OR6N1: variants seen among roughly 807,000 people sequenced by gnomAD.
OR6N1 encodes olfactory receptor 6N1.
For missense variants in OR6N1, 394 were observed against 371.7 expected, an observed-to-expected ratio of 1.06 and a Z score of -0.49; for synonymous variants, 170 against 150.7, an observed-to-expected ratio of 1.13 and a Z score of -0.94.
intron 1 of OR6N1, among the ~76,000 whole-genome samples, chr1:158,771,254 T>G (rs762641048): frequency 9.2e-5 from 14 of 152,316 alleles, no homozygotes; most frequent in South Asian, 2.1e-4. Flanking sequence ...TGTAATGCAC[T>G]GCAATTATTT....
the OR6N1 span, among the ~76,000 whole-genome samples, chr1:158,788,410 A>G: frequency 1.6e-4 from 25 of 152,288 alleles, no homozygotes; most frequent in African/African-American, 6.0e-4. Context: ...GTTGCAAGAC[A>G]TTATTTAGTA....
At chr1:158,796,026 A>G in the OR6N1 span, 1 of 152,330 alleles carries the variant, frequency 6.6e-6, no homozygotes, top group Non-Finnish European at 1.5e-5. Context: ...TGTGGTCACC[A>G]TGTTCTAAGG....
chr1:158,835,902 T>G, the OR6N1 span, among the ~76,000 whole-genome samples: 1 of 151,864 alleles, frequency 6.6e-6, no homozygotes, highest in African/African-American at 2.4e-5. Context: ...TTTTTTTTTG[T>G]CTTTCATTCT....
chr1:158,805,765 G>A, the OR6N1 span, among the ~76,000 whole-genome samples: 1 of 152,104 alleles, frequency 6.6e-6, no homozygotes. Context: ...TTCAAGAGGG[G>A]AACTCAATCT....
At chr1:158,789,940 T>A in the OR6N1 span, among the ~76,000 whole-genome samples, 27 of 152,226 alleles carry the variant, frequency 1.8e-4, no homozygotes, top group African/African-American at 6.5e-4. Flanking sequence ...ATTTCTCCAA[T>A]GTTTTCTTCT....
the OR6N1 span, among the ~76,000 whole-genome samples, chr1:158,815,986 T>C: frequency 6.6e-6 from 1 of 151,714 alleles, no homozygotes; most frequent in African/African-American, 2.4e-5. Context: ...AAACTCCAGC[T>C]CTACTAAAAA....
the OR6N1 span, among the ~76,000 whole-genome samples, chr1:158,799,607 T>A: frequency 6.6e-6 from 1 of 152,232 alleles, no homozygotes; most frequent in African/African-American, 2.4e-5. Flanking sequence ...GACATTTATC[T>A]ATTTACCTTC....
chr1:158,789,630 T>C, the OR6N1 span, among the ~76,000 whole-genome samples: 1 of 152,232 alleles, frequency 6.6e-6, no homozygotes, highest in Non-Finnish European at 1.5e-5. Context: ...CCATTATATA[T>C]ATTCTTTTGA....
chr1:158,804,119 T>C, the OR6N1 span, among the ~76,000 whole-genome samples: 2 of 152,182 alleles, frequency 1.3e-5, no homozygotes, highest in Admixed American at 1.3e-4. Flanking sequence ...AAGAGGGAGA[T>C]AGGAAAATGC....
the OR6N1 span, among the ~76,000 whole-genome samples, chr1:158,840,054 T>C: frequency 3.9e-5 from 6 of 152,212 alleles, no homozygotes; most frequent in Non-Finnish European, 7.4e-5. Flanking sequence ...TTTTAATTCA[T>C]TTTTTTAGGG....
chr1:158,790,224 G>C, the OR6N1 span, among the ~76,000 whole-genome samples: 3 of 152,028 alleles, frequency 2.0e-5, no homozygotes, highest in African/African-American at 7.2e-5. Context: ...GTACCATGCT[G>C]TTTAGCTTGC....
chr1:158,770,406 G>A (rs1401888255), intron 1 of OR6N1, among the ~76,000 whole-genome samples: 1 of 152,070 alleles, frequency 6.6e-6, no homozygotes, highest in Non-Finnish European at 1.5e-5. Flanking sequence ...CAGAGGTTTG[G>A]ACCATTTCCT....
At chr1:158,796,410 G>C in the OR6N1 span, among the ~76,000 whole-genome samples, 1 of 152,086 alleles carries the variant, frequency 6.6e-6, no homozygotes, top group Non-Finnish European at 1.5e-5. Context: ...CCTTCATTTA[G>C]TTTCATTCTT....
chr1:158,782,744 T>G, the OR6N1 span, among the ~76,000 whole-genome samples: 1 of 152,244 alleles, frequency 6.6e-6, no homozygotes, highest in Non-Finnish European at 1.5e-5. Context: ...GTCACTCATT[T>G]TAGCTAGAAG....
rs1336877957 is a variant in OR6N1 at position 158,767,274 on chromosome 1, T to G, written c.-18-574A>C. ...TTTCAGGGGCATGTAGGTCAGAATT[T>G]AGACCTCTTTTGGACACTGGTGAGA... is the stretch of plus-strand genomic sequence containing the variant. On this transcript the variant is annotated intron_variant, in intron 1 of 1. Transcript: ENST00000641846. Among the ~76,000 whole-genome samples, 4 of 152,188 alleles carry G rather than the reference T, an allele frequency of 2.6e-5. No individual in the cohort carries two copies. In the East Asian group the frequency reaches 7.7e-4, roughly 29 times the overall value.
At chr1:158,822,712 C>A in the OR6N1 span, among the ~76,000 whole-genome samples, 5 of 152,156 alleles carry the variant, frequency 3.3e-5, no homozygotes, top group Non-Finnish European at 5.9e-5. Flanking sequence ...GTTTCTCTTG[C>A]CCGATTGTTC....
the OR6N1 span, among the ~76,000 whole-genome samples, chr1:158,785,511 T>C: frequency 6.7e-6 from 1 of 148,326 alleles, no homozygotes; most frequent in Admixed American, 6.7e-5. Flanking sequence ...CTATAAATTC[T>C]CCTAACAATA....
chr1:158,828,007 A>T, the OR6N1 span, among the ~76,000 whole-genome samples: 1 of 152,202 alleles, frequency 6.6e-6, no homozygotes, highest in South Asian at 2.1e-4. Flanking sequence ...CCCATTTTTT[A>T]AAAACCGTCA....
upstream of OR6N1, chr1:158,776,887 A>T (rs760098326): frequency 2.5e-6 from 4 of 1,614,180 alleles, no homozygotes; most frequent in Admixed American, 6.7e-5. Context: ...CCCAAAGAAG[A>T]TGAGGACCAC....
Sources: allele counts gnomAD v4.1 joint callset (sites outside exome capture counted in the v4.1 genomes callset), GRCh38; gene constraint gnomAD v4.1.1; transcripts MANE v1.5; gene names NCBI Gene and HGNC (gene_info 2026-07-23, HGNC 2026-07-21).